Variants in MARCHF6 observed in about 807,000 individuals in gnomAD.
MARCHF6 encodes the protein membrane associated ring-CH-type finger 6.
MARCHF6 carries 31 observed loss-of-function variants against 133.7 expected under a neutral mutation model. The ratio of observed to expected loss-of-function variants is 0.23; its 90% CI spans 0.17 to 0.31. The LOEUF (loss-of-function observed/expected upper bound fraction) is 0.31. Among genes scored for constraint, MARCHF6 ranks in the 10% least tolerant of loss-of-function variants. The pLI, the probability that MARCHF6 is intolerant of heterozygous loss-of-function variation, is 1.00. For missense variants in MARCHF6, 723 were observed against 1,121.6 expected, an observed-to-expected ratio of 0.64 and a Z score of 5.08; for synonymous variants, 395 against 402.5, an observed-to-expected ratio of 0.98 and a Z score of 0.22.
chr5:10,425,479 T>A (rs952694631), intron 23 of MARCHF6, among the ~76,000 whole-genome samples: 1 of 152,230 alleles, frequency 6.6e-6, no homozygotes, highest in Admixed American at 6.5e-5. Context: ...TGCGTGTGTG[T>A]CTCTGTAAAT....
At chr5:10,357,222 T>G (rs1735526673) in intron 1 of MARCHF6, among the ~76,000 whole-genome samples, 1 of 152,062 alleles carries the variant, frequency 6.6e-6, no homozygotes, top group Admixed American at 6.6e-5. Context: ...ACTTTTTTTT[T>G]TTTTTTTTTA....
At chr5:10,395,654 C>T (rs1247497922) in intron 9 of MARCHF6, among the ~76,000 whole-genome samples, 1 of 152,144 alleles carries the variant, frequency 6.6e-6, no homozygotes, top group African/African-American at 2.4e-5. Flanking sequence ...GGTAGCAGAA[C>T]CCCTGCTGGT....
intron 5 of MARCHF6, among the ~76,000 whole-genome samples, chr5:10,387,293 C>T (rs917359554): frequency 6.6e-6 from 1 of 150,702 alleles, no homozygotes; most frequent in East Asian, 1.9e-4. Context: ...GATGGGATGA[C>T]TTTTCTTTCT....
intron 19 of MARCHF6, 70 bp from the exon 20 acceptor site, chr5:10,414,362 TG>T: frequency 1.2e-6 from 1 of 842,770 alleles, no homozygotes; most frequent in Non-Finnish European, 1.9e-6. Context: ...GGGAAGATTG[TG>T]TTGATTCTTT....
intron 4 of MARCHF6, among the ~76,000 whole-genome samples, chr5:10,385,699 T>C (rs1425276890): frequency 6.6e-6 from 1 of 152,192 alleles, no homozygotes; most frequent in Non-Finnish European, 1.5e-5. Context: ...GCATTATATT[T>C]CATATTAATA....
chr5:10,385,472 A>G (rs1041871203), intron 4 of MARCHF6, among the ~76,000 whole-genome samples: 7 of 152,222 alleles, frequency 4.6e-5, no homozygotes, highest in Non-Finnish European at 7.3e-5. Context: ...AAATAAAATT[A>G]AATACATCTG....
intron 1 of MARCHF6, among the ~76,000 whole-genome samples, chr5:10,375,461 C>T (rs1345596608): frequency 3.3e-5 from 5 of 152,256 alleles, no homozygotes; most frequent in African/African-American, 7.2e-5. Flanking sequence ...GGCTCCTGTG[C>T]GGCCCGAGCC....
At chr5:10,365,798 C>G (rs914852125) in intron 1 of MARCHF6, among the ~76,000 whole-genome samples, 1 of 152,132 alleles carries the variant, frequency 6.6e-6, no homozygotes, top group Admixed American at 6.5e-5. Context: ...CCCATGTTCT[C>G]GTCTGACCAA....
intron 17 of MARCHF6, among the ~76,000 whole-genome samples, chr5:10,408,862 C>G (rs931234045): frequency 6.6e-6 from 1 of 152,184 alleles, no homozygotes; most frequent in Non-Finnish European, 1.5e-5. Flanking sequence ...TTAAAATTGT[C>G]TTCATCGTTG....
At chr5:10,417,743 A>G (rs1383519174) in intron 22 of MARCHF6, among the ~76,000 whole-genome samples, 3 of 151,094 alleles carry the variant, frequency 2.0e-5, no homozygotes, top group Non-Finnish European at 4.4e-5. Context: ...AAAAAAGACA[A>G]AAGGAAAAAA....
At chr5:10,398,586 ATT>A (rs762512904) in intron 10 of MARCHF6, among the ~76,000 whole-genome samples, 5 of 144,542 alleles carry the variant, frequency 3.5e-5, no homozygotes, top group African/African-American at 7.5e-5. Flanking sequence ...TCTTGACTGC[ATT>A]TTTTTTTTTT....
At chr5:10,359,655 A>T (rs890475573) in intron 1 of MARCHF6, among the ~76,000 whole-genome samples, 1 of 152,160 alleles carries the variant, frequency 6.6e-6, no homozygotes. Flanking sequence ...TCAAACTGTG[A>T]TGTTCACAGA....
rs558326895 is a variant in MARCHF6 at position 10,393,490 on chromosome 5, G to C, written c.767-592G>C. 5.3e-5 allele frequency among the ~76,000 whole-genome samples: 8 copies of C among 152,270 alleles called. No individual in the cohort carries two copies. The South Asian group carries it at 8.3e-4, about 16-fold the overall frequency. Reference sequence around the variant, plus strand: ...TAATGGTAACAGGGGGCCTTTGCAGGGGGAGGTCAGAGGCTCTGAGAATAC... The same window carrying C: ...TAATGGTAACAGGGGGCCTTTGCAGCGGGAGGTCAGAGGCTCTGAGAATAC... On this transcript the variant is annotated intron_variant, in intron 7 of 25. Transcript: ENST00000274140.
rs967321675 is a variant in MARCHF6 at position 10,379,836 on chromosome 5, C to T, written c.190+1004C>T. ...GCCCAGGTTGTTCTTGAACTCCTGG[C>T]CTCAAGCAATTCTCCTGTCACAGCT... On this transcript the variant is annotated intron_variant, in intron 3 of 25. Transcript: ENST00000274140. 9.2e-5 allele frequency among the ~76,000 whole-genome samples: 14 copies of T among 152,208 alleles called. No individual in the cohort carries two copies. In the South Asian group the frequency reaches 1.7e-3, roughly 18 times the overall value.
intron 16 of MARCHF6, among the ~76,000 whole-genome samples, chr5:10,406,015 C>A (rs941926245): frequency 5.3e-5 from 8 of 152,160 alleles, no homozygotes; most frequent in African/African-American, 1.9e-4. Context: ...GCAAGCATTA[C>A]CACCTGAGCT....
chr5:10,433,535 T>A, intron 25 of MARCHF6, 59 bp from the exon 26 acceptor site: 1 of 1,278,492 alleles, frequency 7.8e-7, no homozygotes, highest in Non-Finnish European at 1.1e-6. Context: ...AAAAGACATA[T>A]GAATGTTTTA....
chr5:10,408,912 A>T (rs1465121895), intron 17 of MARCHF6, among the ~76,000 whole-genome samples: 1 of 152,164 alleles, frequency 6.6e-6, no homozygotes, highest in Non-Finnish European at 1.5e-5. Context: ...CTTTACAAAT[A>T]TGTATTGTTT....
intron 1 of MARCHF6, among the ~76,000 whole-genome samples, chr5:10,362,107 A>C (rs1179565958): frequency 6.6e-6 from 1 of 152,108 alleles, no homozygotes; most frequent in Admixed American, 6.5e-5. Flanking sequence ...CCCTTCTGTC[A>C]CCTCTTAATG....
In MARCHF6 at chr5:10,410,027, G is replaced by A. The variant is rs1739127743; in HGVS notation, c.1554-112G>A. 1.8e-5 allele frequency: 20 copies of A among 1,090,992 alleles called. No homozygotes were observed. The South Asian group carries it at 2.7e-4, about 15-fold the overall frequency. The allele number at this position is 1,090,992 out of a possible 1,614,324, so 67.6% of individuals were successfully genotyped here. A position where few individuals can be genotyped will look rare whatever the true frequency, so the allele number is the denominator to read the frequency against. On this transcript the variant is annotated intron_variant, in intron 17 of 25. Transcript: ENST00000274140. Reference sequence around the variant, plus strand: ...CTGAGTTGGAGAGAGAATGAAAGGAGAGGTAATAAAGACAGTAAGTTTATT... The same window carrying A: ...CTGAGTTGGAGAGAGAATGAAAGGAAAGGTAATAAAGACAGTAAGTTTATT...
Sources: allele counts gnomAD v4.1 joint callset (sites outside exome capture counted in the v4.1 genomes callset), GRCh38; gene constraint gnomAD v4.1.1; transcripts MANE v1.5; gene names NCBI Gene and HGNC (gene_info 2026-07-23, HGNC 2026-07-21).